JAKMIP1: variants seen among roughly 807,000 people sequenced by gnomAD.
JAKMIP1 encodes the protein janus kinase and microtubule-interacting protein 1.
A neutral mutation model predicts 113.0 loss-of-function variants in JAKMIP1; 33 were observed. That is an observed-to-expected ratio of 0.29 (90% CI 0.22 to 0.39). JAKMIP1 has a LOEUF of 0.39. Among genes scored for constraint, JAKMIP1 ranks in the 10% least tolerant of loss-of-function variants. The pLI, the probability that JAKMIP1 is intolerant of heterozygous loss-of-function variation, is 1.00. For synonymous variants in JAKMIP1, 480 were observed against 459.9 expected, an observed-to-expected ratio of 1.04 and a Z score of -0.56; for missense variants, 813 against 1,080.5, an observed-to-expected ratio of 0.75 and a Z score of 3.47.
chr4:6,180,131 A>G lies in JAKMIP1; in HGVS notation c.-148+20122T>C, dbSNP rs1463318633. On this transcript the variant is annotated intron_variant, in intron 1 of 20. Transcript: ENST00000409021. This position sits in a 1 kb window ranked among gnomAD's most constrained non-coding sequence, Gnocchi z 4.5. ...TAAGTGCCACTGAATTAGCCCCAACACTTTCATAAACAGCAGTTTTGAAAT... is the reference window on the plus strand; with the variant it reads ...TAAGTGCCACTGAATTAGCCCCAACGCTTTCATAAACAGCAGTTTTGAAAT... Among the ~76,000 whole-genome samples the G allele has an allele frequency of 6.6e-6, 1 of 152,150 alleles. No homozygotes were observed. Among genetic ancestry groups the G allele is most frequent in the Non-Finnish European group, 1.5e-5 (1 of 68,028 alleles).
intron 1 of JAKMIP1, among the ~76,000 whole-genome samples, chr4:6,198,987 C>G (rs939419941): frequency 6.6e-6 from 1 of 152,272 alleles, no homozygotes; most frequent in African/African-American, 2.4e-5. Context: ...TCCCCACCTC[C>G]TCCTCTGCTC....
At position 6,140,716 on chromosome 4, in the gene JAKMIP1, C is replaced by T. The variant is rs1249646065; in HGVS notation, c.-147-27719G>A. Reference sequence around the variant, plus strand: ...ATGCTTTTACCTGGAAAAGGGATGACAAAGTATCCCAGATAACTTGGTAGA... The same window carrying T: ...ATGCTTTTACCTGGAAAAGGGATGATAAAGTATCCCAGATAACTTGGTAGA... On this transcript the variant is annotated intron_variant, in intron 1 of 20. Coordinates refer to ENST00000409021, the MANE Select transcript of JAKMIP1 (RefSeq NM_001099433.2). This position sits in a 1 kb window ranked among gnomAD's most constrained non-coding sequence, Gnocchi z 9.4. Among the ~76,000 whole-genome samples the T allele has an allele frequency of 6.6e-6, 1 of 152,146 alleles. No individual in the cohort carries two copies.
chr4:6,189,324 C>T (rs1877762), intron 1 of JAKMIP1, among the ~76,000 whole-genome samples: 25,705 of 152,214 alleles, frequency 0.17, 2,486 homozygotes, highest in South Asian at 0.28. Context: ...CTTCGCAAAT[C>T]TCATCTCTGG....
Position 6,038,914 on chromosome 4 carries a change from T to C in JAKMIP1, c.2175+1725A>G, listed in dbSNP as rs1385519377. Among the ~76,000 whole-genome samples the C allele has an allele frequency of 2.0e-5, 3 of 152,324 alleles. No homozygotes were observed. In the East Asian group the frequency reaches 5.8e-4, roughly 29 times the overall value. ...GTGGGCCTGCCCCGCCTCACTCAGC[T>C]CAGTGACAAAGGGACACAGGCTTGC... On this transcript the variant is annotated intron_variant, in intron 18 of 20. Transcript: ENST00000409021.
At chr4:6,119,179 G>A (rs770437166) in intron 1 of JAKMIP1, among the ~76,000 whole-genome samples, 1 of 152,128 alleles carries the variant, frequency 6.6e-6, no homozygotes, top group Admixed American at 6.5e-5. Context: ...GTAAATTTCT[G>A]TTTACCACCC....
chr4:6,148,751 A>G (rs1321686382), intron 1 of JAKMIP1, among the ~76,000 whole-genome samples: 1 of 152,070 alleles, frequency 6.6e-6, no homozygotes, highest in Non-Finnish European at 1.5e-5. Context: ...CACCCATCAC[A>G]CCCGAGGCTG....
rs191864106 is a variant in JAKMIP1, at chr4:6,193,587, G to A, written c.-148+6666C>T. On this transcript the variant is annotated intron_variant, in intron 1 of 20. Coordinates refer to ENST00000409021, the MANE Select transcript of JAKMIP1 (RefSeq NM_001099433.2). The surrounding 1 kb of genome is among the most constrained non-coding windows in gnomAD (Gnocchi z 6.4). The stretch of plus-strand genomic sequence containing the variant: ...AAGAAAGGCAGCCAGGGCTCCCTGC[G>A]CTGTGCCAGCTGCCTCTCTGGGGCA... Among the ~76,000 whole-genome samples the A allele has an allele frequency of 1.3e-5, 2 of 152,184 alleles. No individual in the cohort carries two copies. Among genetic ancestry groups the A allele is most frequent in the Non-Finnish European group, 2.9e-5 (2 of 68,040 alleles).
Position 6,183,127 on chromosome 4 carries a change from CA to C in JAKMIP1, c.-148+17125del, listed in dbSNP as rs1314567128. On this transcript the variant is annotated intron_variant, in intron 1 of 20. Transcript: ENST00000409021. This position sits in a 1 kb window ranked among gnomAD's most constrained non-coding sequence, Gnocchi z 5.3. The stretch of plus-strand genomic sequence containing the variant: ...ACATGATACAGGCAGATAACAATAC[CA>C]CAGATATCTAGACACACAGATACAG... Among the ~76,000 whole-genome samples the C allele has an allele frequency of 6.6e-6, 1 of 152,160 alleles. No individual in the cohort carries two copies. Among genetic ancestry groups the C allele is most frequent in the East Asian group, 1.9e-4 (1 of 5,192 alleles).
Position 6,129,890 on chromosome 4 carries a change from G to T in JAKMIP1, c.-147-16893C>A, listed in dbSNP as rs1485839601. 6.6e-6 allele frequency among the ~76,000 whole-genome samples: 1 copy of T among 152,192 alleles called. No individual in the cohort carries two copies. Among genetic ancestry groups the T allele is most frequent in the African/African-American group, 2.4e-5 (1 of 41,448 alleles). On this transcript the variant is annotated intron_variant, in intron 1 of 20. Coordinates refer to ENST00000409021, the MANE Select transcript of JAKMIP1 (RefSeq NM_001099433.2). This position sits in a 1 kb window ranked among gnomAD's most constrained non-coding sequence, Gnocchi z 5.4. ...GCTGTGGAGGACTGCAGGAGACACT[G>T]CAACAGCTGACCACCACAACGACCC... is the stretch of plus-strand genomic sequence containing the variant.
At position 6,181,986 on chromosome 4, in the gene JAKMIP1, A is replaced by G. The variant is rs1283039790; in HGVS notation, c.-148+18267T>C. Among the ~76,000 whole-genome samples, 1 of 152,122 alleles carries G rather than the reference A, an allele frequency of 6.6e-6. No homozygotes were observed. The highest frequency in any genetic ancestry group is 1.5e-5 in the Non-Finnish European group (1 of 68,036). On this transcript the variant is annotated intron_variant, in intron 1 of 20. Transcript: ENST00000409021. The surrounding 1 kb of genome is among the most constrained non-coding windows in gnomAD (Gnocchi z 5.4). ...GTCTGGGCAAGTTCAGGGAAAGCAG[A>G]CGATTCAATAAGGTAAGGGACAGTG...
At position 6,183,841 on chromosome 4, in the gene JAKMIP1, G is replaced by A. The variant is rs923191321; in HGVS notation, c.-148+16412C>T. On this transcript the variant is annotated intron_variant, in intron 1 of 20. Coordinates refer to ENST00000409021, the MANE Select transcript of JAKMIP1 (RefSeq NM_001099433.2). The surrounding 1 kb of genome is among the most constrained non-coding windows in gnomAD (Gnocchi z 5.3). ...TCATCTCCAGTGAAATGCACTCTGAGAATGCAAGACAAGTCACTCCCAAAA... is the reference window on the plus strand; with the variant it reads ...TCATCTCCAGTGAAATGCACTCTGAAAATGCAAGACAAGTCACTCCCAAAA... Among the ~76,000 whole-genome samples the A allele has an allele frequency of 6.6e-6, 1 of 152,168 alleles. No individual in the cohort carries two copies. The highest frequency in any genetic ancestry group is 1.5e-5 in the Non-Finnish European group (1 of 68,048).
intron 8 of JAKMIP1, among the ~76,000 whole-genome samples, chr4:6,078,084 G>A (rs992357453): frequency 2.6e-5 from 4 of 152,022 alleles, no homozygotes; most frequent in Admixed American, 1.3e-4. Flanking sequence ...TAAACCAAAC[G>A]GGGCACTTGT....
At chr4:6,028,532 T>C (rs1460684479) in intron 20 of JAKMIP1, among the ~76,000 whole-genome samples, 3 of 152,206 alleles carry the variant, frequency 2.0e-5, no homozygotes, top group Non-Finnish European at 4.4e-5. Flanking sequence ...TCTGGGCACA[T>C]GGTTTGATTC....
At position 6,088,925 on chromosome 4, in the gene JAKMIP1, G is replaced by A. The variant is rs1721665575; in HGVS notation, c.625-3296C>T. 6.6e-6 allele frequency among the ~76,000 whole-genome samples: 1 copy of A among 152,176 alleles called. No homozygotes were observed. Among genetic ancestry groups the A allele is most frequent in the Non-Finnish European group, 1.5e-5 (1 of 68,052 alleles). ...GGAAAGGGGTGGAACGAACATCACTGCAAGTTCCCAGGGCAGTCCCCAATT... is the reference window on the plus strand; with the variant it reads ...GGAAAGGGGTGGAACGAACATCACTACAAGTTCCCAGGGCAGTCCCCAATT... On this transcript the variant is annotated intron_variant, in intron 3 of 20. Transcript: ENST00000409021. This position sits in a 1 kb window ranked among gnomAD's most constrained non-coding sequence, Gnocchi z 5.5.
At chr4:6,126,345 C>CCATGCAGAA (rs1717604628) in intron 1 of JAKMIP1, among the ~76,000 whole-genome samples, 1 of 150,084 alleles carries the variant, frequency 6.7e-6, no homozygotes, top group African/African-American at 2.5e-5. Flanking sequence ...AACACACACA[C>CCATGCAGAA]ACACACCATG....
At chr4:6,041,684 T>G (rs114359836) in intron 17 of JAKMIP1, among the ~76,000 whole-genome samples, 25 of 152,326 alleles carry the variant, frequency 1.6e-4, no homozygotes, top group African/African-American at 5.8e-4. Flanking sequence ...AGACTGGAAT[T>G]TCCCATTCAT....
At chr4:6,101,438 C>T (rs1195509552) in intron 3 of JAKMIP1, among the ~76,000 whole-genome samples, 4 of 152,144 alleles carry the variant, frequency 2.6e-5, no homozygotes, top group African/African-American at 9.7e-5. Context: ...TCTCTCTAAC[C>T]TTCAGCCTAC....
intron 7 of JAKMIP1, among the ~76,000 whole-genome samples, chr4:6,079,949 T>C (rs1004401969): frequency 2.0e-5 from 3 of 152,218 alleles, no homozygotes; most frequent in African/African-American, 7.2e-5. Flanking sequence ...CCATGGAAAC[T>C]GTCCCCAAGT....
chr4:6,057,973 C>T (rs1057116214), intron 11 of JAKMIP1, among the ~76,000 whole-genome samples: 13 of 152,256 alleles, frequency 8.5e-5, no homozygotes, highest in African/African-American at 2.9e-4. Context: ...GAACTGTGTG[C>T]AAATAGAACC....
Sources: gnomAD v4.1 joint callset for allele counts (sites outside exome capture counted in the v4.1 genomes callset) on GRCh38, gnomAD v4.1.1 for gene constraint, Gnocchi (gnomAD v3.1) non-coding constraint, MANE v1.5 for transcripts, NCBI Gene and HGNC (gene_info 2026-07-23, HGNC 2026-07-21) for gene names.